The following XIRP2 variants were observed in gnomAD, a reference collection of about 807,000 sequenced individuals.
XIRP2 encodes xin actin-binding repeat-containing protein 2.
Under a neutral mutation model 277.0 loss-of-function variants are expected in XIRP2, and 236 were observed. The ratio of observed to expected loss-of-function variants is 0.85; its 90% CI spans 0.77 to 0.95. XIRP2 has a LOEUF of 0.95. Among genes scored for constraint, XIRP2 ranks in the 40% least tolerant of loss-of-function variants. The pLI, the probability that XIRP2 is intolerant of heterozygous loss-of-function variation, is 0.00. For missense variants in XIRP2, 4,640 were observed against 4,157.5 expected, an observed-to-expected ratio of 1.12 and a Z score of -3.19; for synonymous variants, 1,490 against 1,416.5, an observed-to-expected ratio of 1.05 and a Z score of -1.17.
chr2:167,139,016 G>A (rs997983223), intron 3 of XIRP2, among the ~76,000 whole-genome samples: 4 of 152,060 alleles, frequency 2.6e-5, no homozygotes, highest in East Asian at 1.9e-4. Context: ...TCAGTGAGCC[G>A]AGATGGCGCC....
Position 167,250,386 on chromosome 2 carries a change from C to T in XIRP2, c.8994C>T (p.His2998=). The change falls in exon 9 of 11, where the codon CAC becomes CAT. Residue 2998 remains histidine (H), a synonymous_variant. Coordinates refer to ENST00000409195, the MANE Select transcript of XIRP2 (RefSeq NM_152381.6). ...ISEDKREYAV[H]IAMENNLEKV... is the part of the protein sequence containing the mutation. ...AAGATAAGAGAGAATATGCAGTTCA[C>T]ATTGCCATGGAGAATAATTTAGAAA... The T allele has an allele frequency of 6.2e-7, 1 of 1,613,462 alleles. No individual in the cohort carries two copies. The highest frequency in any genetic ancestry group is 8.5e-7 in the Non-Finnish European group (1 of 1,179,654).
chr2:167,110,564 T>C (rs553381300), intron 2 of XIRP2, among the ~76,000 whole-genome samples: 1 of 152,326 alleles, frequency 6.6e-6, no homozygotes, highest in South Asian at 2.1e-4. Flanking sequence ...CATGCTGCCT[T>C]GGTTACAGTA....
chr2:167,071,199 G>A (rs1266558967), intron 2 of XIRP2, among the ~76,000 whole-genome samples: 1 of 152,154 alleles, frequency 6.6e-6, no homozygotes, highest in Non-Finnish European at 1.5e-5. Flanking sequence ...AAATAATATA[G>A]TGTGAACATA....
At chr2:167,022,555 C>G (rs1256558289) in intron 2 of XIRP2, among the ~76,000 whole-genome samples, 1 of 152,040 alleles carries the variant, frequency 6.6e-6, no homozygotes, top group East Asian at 1.9e-4. Context: ...CCCATTAACT[C>G]GTCATTTAGC....
Position 167,246,132 on chromosome 2 carries a change from T to A in XIRP2, c.4740T>A (p.Val1580=). The A allele has an allele frequency of 6.2e-7, 1 of 1,613,240 alleles. No homozygotes were observed. The highest frequency in any genetic ancestry group is 8.5e-7 in the Non-Finnish European group (1 of 1,179,714). The change falls in exon 9 of 11, where the codon GTT becomes GTA. Residue 1580 remains valine (V), a synonymous_variant. Transcript: ENST00000409195. ...TTGAAGCTGATGAAATAGGGGATGT[T>A]CGAATGGCAAAATACAAGCTAATGA... ...IIIEADEIGD[V]RMAKYKLMNQ...
rs569083791 is a variant in XIRP2, at chr2:166,895,686, T to C, written c.-19+7129T>C. ...TGAGTTTTGGAATTGTATTTTAACA[T>C]ACACAGGCGTTACCCTCTGTTCATT... On this transcript the variant is annotated intron_variant, in intron 1 of 10. Transcript: ENST00000409195. Among the ~76,000 whole-genome samples the C allele has an allele frequency of 5.3e-5, 8 of 152,298 alleles. No homozygotes were observed. In the South Asian group the frequency reaches 1.4e-3, roughly 28 times the overall value.
chr2:167,109,881 TG>T (rs1308101517), intron 2 of XIRP2, among the ~76,000 whole-genome samples: 4 of 152,186 alleles, frequency 2.6e-5, no homozygotes, highest in African/African-American at 9.7e-5. Flanking sequence ...TGGTATGAGA[TG>T]GTATCTCTTT....
intron 2 of XIRP2, among the ~76,000 whole-genome samples, chr2:167,027,903 C>T (rs910353532): frequency 1.3e-5 from 2 of 151,984 alleles, no homozygotes; most frequent in African/African-American, 2.4e-5. Context: ...GGTGAAATAA[C>T]ACATTTGCCT....
chr2:166,943,888 G>A (rs1685787034), intron 2 of XIRP2, among the ~76,000 whole-genome samples: 1 of 152,168 alleles, frequency 6.6e-6, no homozygotes, highest in African/African-American at 2.4e-5. Flanking sequence ...TTGTTCCATA[G>A]TGGGTTTGAT....
In XIRP2 at chr2:167,177,739, G is replaced by A. The variant is rs186461496; in HGVS notation, c.563-32996G>A. ...TATCCAACTGTTTGACAGTACTCTC[G>A]TATACCAGTGGTAGAAGATTAAATT... On this transcript the variant is annotated intron_variant, in intron 3 of 10. Coordinates refer to ENST00000409195, the MANE Select transcript of XIRP2 (RefSeq NM_152381.6). 7.2e-5 allele frequency among the ~76,000 whole-genome samples: 11 copies of A among 152,146 alleles called. No homozygotes were observed. The East Asian group carries it at 9.7e-4, about 13-fold the overall frequency.
intron 2 of XIRP2, among the ~76,000 whole-genome samples, chr2:166,962,743 A>G (rs566563069): frequency 6.6e-6 from 1 of 151,884 alleles, no homozygotes; most frequent in East Asian, 1.9e-4. Context: ...GAGGTTCTTA[A>G]TCTCATTAAA....
intron 2 of XIRP2, among the ~76,000 whole-genome samples, chr2:167,026,830 G>T (rs569703597): frequency 6.6e-6 from 1 of 152,088 alleles, no homozygotes; most frequent in East Asian, 1.9e-4. Flanking sequence ...AATGTTGAAT[G>T]TTGGCCCCCA....
At chr2:167,253,153 G>T (rs539736276) in intron 9 of XIRP2, among the ~76,000 whole-genome samples, 1 of 151,796 alleles carries the variant, frequency 6.6e-6, no homozygotes, top group Non-Finnish European at 1.5e-5. Flanking sequence ...TAATACCAAA[G>T]CTTAGTCATT....
intron 2 of XIRP2, among the ~76,000 whole-genome samples, chr2:166,959,078 T>A (rs1038533401): frequency 2.0e-5 from 3 of 151,848 alleles, no homozygotes; most frequent in Non-Finnish European, 2.9e-5. Flanking sequence ...AAGCAGAGCA[T>A]CTCTGTGGTG....
chr2:166,953,297 C>A (rs948934371), intron 2 of XIRP2, among the ~76,000 whole-genome samples: 1 of 151,808 alleles, frequency 6.6e-6, no homozygotes, highest in Non-Finnish European at 1.5e-5. Context: ...GTGGGAGGGA[C>A]CTGGTGAAAG....
intron 2 of XIRP2, among the ~76,000 whole-genome samples, chr2:167,033,384 C>T (rs901339286): frequency 3.3e-5 from 5 of 152,180 alleles, no homozygotes; most frequent in South Asian, 4.1e-4. Context: ...CACGTGTATA[C>T]CTGTGAAATA....
intron 2 of XIRP2, among the ~76,000 whole-genome samples, chr2:167,088,904 A>G (rs6708222): frequency 0.97 from 148,172 of 152,276 alleles, 72,142 homozygotes; most frequent in Non-Finnish European, 0.99. Context: ...ATGAATCTAA[A>G]TACAATTTCA....
In XIRP2 at chr2:167,258,284, C is replaced by T; in HGVS notation, c.*467C>T. 1 of 1,613,386 alleles carries T rather than the reference C, an allele frequency of 6.2e-7. No individual in the cohort carries two copies. The highest frequency in any genetic ancestry group is 8.5e-7 in the Non-Finnish European group (1 of 1,179,680). On this transcript the variant is annotated 3_prime_UTR_variant, in exon 11 of 11. Coordinates refer to ENST00000409195, the MANE Select transcript of XIRP2 (RefSeq NM_152381.6). ...ATCCCCTGAATTTAAAAGTGAATCT[C>T]TGCTAGAAGATGTTAGAACTCCAGA...
In XIRP2 at chr2:167,247,969, A is replaced by C. The variant is rs777589326; in HGVS notation, c.6577A>C (p.Lys2193Gln). 4.4e-6 allele frequency: 7 copies of C among 1,609,126 alleles called. No individual in the cohort carries two copies. Among genetic ancestry groups the C allele is most frequent in the Non-Finnish European group, 5.9e-6 (7 of 1,178,676 alleles). Residue 2193 changes from lysine (K) to glutamine (Q), a missense_variant, in exon 9 of 11, where the codon AAA becomes CAA. Transcript: ENST00000409195. ...GCAAACTTTGTTAAAGCAAGAAACA[A>C]AATATTCTAATAAGGATATAAAGAA... ...QKQTLLKQET[K>Q]YSNKDIKKKN...
Sources: allele counts gnomAD v4.1 joint callset (sites outside exome capture counted in the v4.1 genomes callset), GRCh38; gene constraint gnomAD v4.1.1; transcripts MANE v1.5; gene names NCBI Gene and HGNC (gene_info 2026-07-23, HGNC 2026-07-21).